The following SURF1 variants were observed in gnomAD, a reference collection of about 807,000 sequenced individuals.
The protein encoded by SURF1 is SURF1 cytochrome c oxidase assembly factor.
SURF1 carries 45 observed loss-of-function variants against 34.1 expected under a neutral mutation model. That is an observed-to-expected ratio of 1.32 (90% CI 1.04 to 1.69). SURF1 has a LOEUF of 1.69. Ranked by LOEUF, SURF1 falls within the 40% of genes most tolerant of loss-of-function variation. The pLI is 0.00. For synonymous variants in SURF1, 188 were observed against 147.5 expected (o/e 1.27, Z -1.99); for missense variants, 456 against 384.6 (o/e 1.19, Z -1.55).
At chr9:133,353,482 C>T (rs2130013356) in intron 5 of SURF1, among the ~76,000 whole-genome samples, 1,722 of 152,318 alleles carry the variant, frequency 0.011, 44 homozygotes, top group African/African-American at 0.038. Context: ...AGACAGTTCT[C>T]CAGAGGCAGG....
chr9:133,352,252 T>TA, intron 7 of SURF1, 110 bp from the exon 8 acceptor site: 1 of 1,376,762 alleles, frequency 7.3e-7, no homozygotes, highest in Non-Finnish European at 1.0e-6. Flanking sequence ...GTATGGCCTT[T>TA]ACGTTGGGTG....
At chr9:133,356,156 C>T (rs1005072528) in intron 2 of SURF1, 113 bp downstream of exon 2, 3 of 1,386,776 alleles carry the variant, frequency 2.2e-6, no homozygotes, top group African/African-American at 1.4e-5. Flanking sequence ...GGAGCCTCCG[C>T]TCAGCCGGCA....
At position 133,352,086 on chromosome 9, in the gene SURF1, C is replaced by T. The variant is rs2130004378; in HGVS notation, c.808G>A (p.Glu270Lys). The change falls in exon 8 of 9, where the codon GAG (glutamate) becomes AAG (lysine). Residue 270 changes from glutamate to lysine, a missense_variant. Transcript: ENST00000371974. ...GGQTRVTLRN[E>K]HLQYIVTWYG... Reference sequence around the variant, plus strand: ...CAGGTCACGATGTACTGCAGATGCTCGTTCCTCAGAGTAACTCTGGTTTGC... The same window carrying T: ...CAGGTCACGATGTACTGCAGATGCTTGTTCCTCAGAGTAACTCTGGTTTGC... 30 of 1,610,816 alleles carry T rather than the reference C, an allele frequency of 1.9e-5. No individual in the cohort carries two copies. Among genetic ancestry groups the T allele is most frequent in the African/African-American group, 2.7e-5 (2 of 74,900 alleles).
rs2130027155 is a variant in SURF1 at position 133,356,462 on chromosome 9, G to T, written c.-9C>A. Reference sequence around the variant, plus strand: ...GCAGCCACCGCCGCCATCGCACCCGGCCCCGCGGGCGCTTCCGGGACGCAG... The same window carrying T: ...GCAGCCACCGCCGCCATCGCACCCGTCCCCGCGGGCGCTTCCGGGACGCAG... On this transcript the variant is annotated 5_prime_UTR_variant, in exon 1 of 9. Coordinates refer to ENST00000371974, the MANE Select transcript of SURF1 (RefSeq NM_003172.4). 5 of 1,423,608 alleles carry T rather than the reference G, an allele frequency of 3.5e-6. No individual in the cohort carries two copies. The highest frequency in any genetic ancestry group is 4.6e-6 in the Non-Finnish European group (5 of 1,090,828). 88.2% of individuals were successfully genotyped at this position (1,423,608 alleles called of 1,614,324 possible). A position where few individuals can be genotyped will look rare whatever the true frequency, so the allele number is the denominator to read the frequency against.
chr9:133,352,051 GGGGACTC>G lies in SURF1; in HGVS notation c.833+3_833+9del. On this transcript the variant is annotated splice_donor_5th_base_variant and intron_variant, in intron 8 of 8. Coordinates refer to ENST00000371974, the MANE Select transcript of SURF1 (RefSeq NM_003172.4). ...AAGGGGAGGAAGCCAGAGGGCCGCT[GGGGACTC>G]ACCAGGTCACGATGTACTGCAGATG... 6.2e-7 allele frequency: 1 copy of G among 1,611,988 alleles called. No homozygotes were observed. Among genetic ancestry groups the G allele is most frequent in the Non-Finnish European group, 8.5e-7 (1 of 1,179,056 alleles).
At chr9:133,352,393 G>A (rs2130006542) in intron 7 of SURF1, 53 bp downstream of exon 7, 58 of 1,613,408 alleles carry the variant, frequency 3.6e-5, no homozygotes, top group Admixed American at 5.0e-5. Flanking sequence ...TTAGGAGGAA[G>A]GACAGTATTC....
At chr9:133,352,910 G>A in intron 5 of SURF1, 144 bp from the exon 6 acceptor site, 1 of 924,552 alleles carries the variant, frequency 1.1e-6, no homozygotes, top group Non-Finnish European at 1.7e-6. Context: ...CCCTGGCAGT[G>A]CCACACAGGC....
In SURF1 at chr9:133,351,832, A is replaced by G; in HGVS notation, c.*81T>C. ...ATTTAAGGTAGAAGGCCAGAACTTT[A>G]TACCAGTAGCACATGATCCAGCATA... On this transcript the variant is annotated 3_prime_UTR_variant, in exon 9 of 9. Transcript: ENST00000371974. 1 of 1,465,182 alleles carries G rather than the reference A, an allele frequency of 6.8e-7. No individual in the cohort carries two copies. The highest frequency in any genetic ancestry group is 9.4e-7 in the Non-Finnish European group (1 of 1,061,938). The allele number at this position is 1,465,182 out of a possible 1,614,324, so 90.8% of individuals were successfully genotyped here. A position where few individuals can be genotyped will look rare whatever the true frequency, so the allele number is the denominator to read the frequency against.
intron 2 of SURF1, 115 bp downstream of exon 2, chr9:133,356,154 C>A: frequency 1.5e-6 from 2 of 1,365,256 alleles, no homozygotes; most frequent in East Asian, 5.0e-5. Flanking sequence ...AGGGAGCCTC[C>A]GCTCAGCCGG....
chr9:133,355,872 C>A (rs1435180333), intron 2 of SURF1, among the ~76,000 whole-genome samples: 2 of 151,614 alleles, frequency 1.3e-5, no homozygotes, highest in East Asian at 1.9e-4. Flanking sequence ...CAGCACTCTA[C>A]ACACGGCAAA....
rs2130009229 is a variant in SURF1 at position 133,352,688 on chromosome 9, C to T, written c.588+6G>A. The T allele has an allele frequency of 6.2e-7, 1 of 1,613,604 alleles. No homozygotes were observed. Among genetic ancestry groups the T allele is most frequent in the South Asian group, 1.1e-5 (1 of 90,942 alleles). On this transcript the variant is annotated splice_donor_region_variant and intron_variant, in intron 6 of 8. Coordinates refer to ENST00000371974, the MANE Select transcript of SURF1 (RefSeq NM_003172.4). Reference sequence around the variant, plus strand: ...CTCTAAAGTAGGAAGAGTCCATGTCCCTTACCTGGCCTTTCTGCCGGGTTT... The same window carrying T: ...CTCTAAAGTAGGAAGAGTCCATGTCTCTTACCTGGCCTTTCTGCCGGGTTT...
In SURF1 at chr9:133,352,979, C is replaced by G. The variant is rs146542486; in HGVS notation, c.516-213G>C. Among the ~76,000 whole-genome samples, 635 of 152,336 alleles carry G rather than the reference C, an allele frequency of 4.2e-3. 8 individuals are homozygous for G. Among genetic ancestry groups the G allele is most frequent in the African/African-American group, 0.015 (616 of 41,576 alleles). On this transcript the variant is annotated intron_variant, in intron 5 of 8. Transcript: ENST00000371974. ...GGTAAAAGGCTCCCTGCCACCATCA[C>G]TACCTTTTTACCAGTGTGGCTTTCC... is the stretch of plus-strand genomic sequence containing the variant.
At chr9:133,352,833 C>G in intron 5 of SURF1, 67 bp from the exon 6 acceptor site, 1 of 1,506,236 alleles carries the variant, frequency 6.6e-7, no homozygotes, top group Non-Finnish European at 9.1e-7. Flanking sequence ...CTCATGGTCA[C>G]TCAGGCACCC....
At chr9:133,352,282 G>T (rs190331101) in intron 7 of SURF1, 140 bp from the exon 8 acceptor site, 5 of 1,375,772 alleles carry the variant, frequency 3.6e-6, no homozygotes, top group Non-Finnish European at 4.0e-6. Flanking sequence ...GCCCTTGTCC[G>T]CTCAGTACTT....
In SURF1 at chr9:133,354,545, G is replaced by A. The variant is rs1836515678; in HGVS notation, c.323+114C>T. The A allele has an allele frequency of 1.5e-5, 19 of 1,246,528 alleles. No individual in the cohort carries two copies. In the South Asian group the frequency reaches 2.2e-4, roughly 14 times the overall value. The allele number at this position is 1,246,528 out of a possible 1,614,324, so 77.2% of individuals were successfully genotyped here. On this transcript the variant is annotated intron_variant, in intron 4 of 8. Coordinates refer to ENST00000371974, the MANE Select transcript of SURF1 (RefSeq NM_003172.4). ...ACTGATAATGAGAGCTCCCACCTGA[G>A]GTCAAGGCAGTGACTAAAAGTCCCA...
intron 4 of SURF1, 144 bp downstream of exon 4, chr9:133,354,515 A>T: frequency 1.0e-6 from 1 of 991,612 alleles, no homozygotes; most frequent in Non-Finnish European, 1.6e-6. Flanking sequence ...CAAGCCCAAC[A>T]GATGACTGAT....
chr9:133,352,861 A>G, intron 5 of SURF1, 95 bp from the exon 6 acceptor site: 4 of 1,349,334 alleles, frequency 3.0e-6, no homozygotes, highest in South Asian at 1.3e-5. Flanking sequence ...CAACTAGAGC[A>G]CCAAGGAAGG....
chr9:133,352,432 G>C lies in SURF1; in HGVS notation c.751+14C>G. The C allele has an allele frequency of 3.1e-6, 5 of 1,614,200 alleles. No individual in the cohort carries two copies. The highest frequency in any genetic ancestry group is 4.2e-6 in the Non-Finnish European group (5 of 1,180,042). Reference sequence around the variant, plus strand: ...AAAGCTACTTGTTCCGAGATGGGCTGGTCCACAACGTACGGAAGTTGGCAT... The same window carrying C: ...AAAGCTACTTGTTCCGAGATGGGCTCGTCCACAACGTACGGAAGTTGGCAT... On this transcript the variant is annotated intron_variant, in intron 7 of 8. Transcript: ENST00000371974.
chr9:133,355,013 A>G, intron 2 of SURF1, 56 bp from the exon 3 acceptor site: 1 of 1,606,662 alleles, frequency 6.2e-7, no homozygotes, highest in Admixed American at 1.7e-5. Flanking sequence ...ACAGACCTGG[A>G]GCAGCCCGTT....
Sources: gnomAD v4.1 joint callset for allele counts (sites outside exome capture counted in the v4.1 genomes callset) on GRCh38, gnomAD v4.1.1 for gene constraint, MANE v1.5 for transcripts, NCBI Gene and HGNC (gene_info 2026-07-23, HGNC 2026-07-21) for gene names.